Variants in HERPUD2 observed in about 807,000 individuals in gnomAD.
The protein encoded by HERPUD2 is HERPUD family member 2, also known as homocysteine-responsive endoplasmic reticulum-resident ubiquitin-like domain member 2 protein.
A neutral mutation model predicts 49.9 loss-of-function variants in HERPUD2; 13 were observed. The observed-to-expected ratio is 0.26, with a 90% CI of 0.17 to 0.41. The LOEUF (loss-of-function observed/expected upper bound fraction) is 0.41. Among genes scored for constraint, HERPUD2 ranks in the 10% least tolerant of loss-of-function variants. HERPUD2 has a pLI of 1.00. For missense variants in HERPUD2, 449 were observed against 492.2 expected (o/e 0.91, Z 0.83); for synonymous variants, 172 against 171.4 (o/e 1.00, Z -0.03).
intron 2 of HERPUD2, among the ~76,000 whole-genome samples, chr7:35,683,177 C>T (rs1785952607): frequency 6.6e-6 from 1 of 152,158 alleles, no homozygotes; most frequent in Admixed American, 6.5e-5. Flanking sequence ...AACTATACTA[C>T]AAGGCCATAG....
At chr7:35,634,115 A>C (rs1784831775) in intron 8 of HERPUD2, among the ~76,000 whole-genome samples, 197 bp downstream of exon 8, 1 of 152,224 alleles carries the variant, frequency 6.6e-6, no homozygotes, top group Admixed American at 6.5e-5. Context: ...CTTCCCATTT[A>C]GTTATAATAT....
At chr7:35,646,163 T>C (rs1245283848) in intron 5 of HERPUD2, among the ~76,000 whole-genome samples, 3 of 152,200 alleles carry the variant, frequency 2.0e-5, no homozygotes, top group Non-Finnish European at 4.4e-5. Flanking sequence ...CTATTTAATC[T>C]AGTAATTTGT....
intron 2 of HERPUD2, among the ~76,000 whole-genome samples, chr7:35,676,141 C>T (rs1785753936): frequency 6.6e-6 from 1 of 152,272 alleles, no homozygotes; most frequent in African/African-American, 2.4e-5. Context: ...GGTTCACACA[C>T]AAAATTTGAC....
chr7:35,686,216 T>A (rs1272389397), intron 2 of HERPUD2, among the ~76,000 whole-genome samples: 2 of 150,394 alleles, frequency 1.3e-5, no homozygotes, highest in African/African-American at 4.9e-5. Flanking sequence ...TGAGACAGAG[T>A]CTTACTCTGT....
Position 35,653,603 on chromosome 7 carries a change from T to C in HERPUD2, c.494+13831A>G, listed in dbSNP as rs115292704. 3.9e-3 allele frequency among the ~76,000 whole-genome samples: 593 copies of C among 151,884 alleles called. 5 individuals carry two copies. Among genetic ancestry groups the C allele is most frequent in the African/African-American group, 0.014 (560 of 41,408 alleles). On this transcript the variant is annotated intron_variant, in intron 5 of 8. Coordinates refer to ENST00000311350, the MANE Select transcript of HERPUD2 (RefSeq NM_022373.5). ...AACATTTCATCCAACAGGTATAGAATACACATTCTTCTCATCAGCCCATGG... is the reference window on the plus strand; with the variant it reads ...AACATTTCATCCAACAGGTATAGAACACACATTCTTCTCATCAGCCCATGG...
chr7:35,654,666 A>C (rs1583548557), intron 5 of HERPUD2, among the ~76,000 whole-genome samples: 1 of 145,020 alleles, frequency 6.9e-6, no homozygotes. Flanking sequence ...GCCAAATTTG[A>C]CCAAAACTTT....
chr7:35,678,064 T>C (rs1245350448), intron 2 of HERPUD2, among the ~76,000 whole-genome samples: 1 of 152,192 alleles, frequency 6.6e-6, no homozygotes, highest in African/African-American at 2.4e-5. Context: ...AAATTTCTAG[T>C]ACCTGCTCCT....
At chr7:35,678,661 G>T (rs1158341043) in intron 2 of HERPUD2, among the ~76,000 whole-genome samples, 1 of 152,088 alleles carries the variant, frequency 6.6e-6, no homozygotes, top group Admixed American at 6.5e-5. Flanking sequence ...AATTAATTTT[G>T]CCTTCTCTAC....
chr7:35,660,776 T>C (rs915346548), intron 5 of HERPUD2, among the ~76,000 whole-genome samples: 10 of 152,250 alleles, frequency 6.6e-5, no homozygotes, highest in African/African-American at 2.2e-4. Context: ...TTCTGGATAT[T>C]AGCCCTTTGT....
chr7:35,634,846 G>C (rs2115815699), intron 7 of HERPUD2, among the ~76,000 whole-genome samples: 1 of 152,306 alleles, frequency 6.6e-6, no homozygotes, highest in South Asian at 2.1e-4. Context: ...ACCTTATGCA[G>C]GAGTGCATCA....
At chr7:35,633,920 T>C in intron 8 of HERPUD2, 69 bp from the exon 9 acceptor site, 1 of 1,461,242 alleles carries the variant, frequency 6.8e-7, no homozygotes. Context: ...TAGAATACAG[T>C]TAAATTCTTT....
chr7:35,639,670 G>C (rs958392015), intron 5 of HERPUD2, among the ~76,000 whole-genome samples: 7 of 152,132 alleles, frequency 4.6e-5, no homozygotes, highest in African/African-American at 4.8e-5. Context: ...GGTCTATCCA[G>C]AGTGAGACAA....
chr7:35,689,323 T>C (rs1469885879), intron 2 of HERPUD2, among the ~76,000 whole-genome samples: 7 of 152,236 alleles, frequency 4.6e-5, no homozygotes, highest in African/African-American at 1.7e-4. Flanking sequence ...TCTTGAACTA[T>C]ATTCCCAGGC....
chr7:35,633,562 C>A lies in HERPUD2; in HGVS notation c.*128G>T, dbSNP rs1784820164. ...TTAAAATATTCATATGCATGAGAAG[C>A]CTAAAGAAAAAAAACACCTCTGTAC... is the stretch of plus-strand genomic sequence containing the variant. On this transcript the variant is annotated 3_prime_UTR_variant, in exon 9 of 9. Coordinates refer to ENST00000311350, the MANE Select transcript of HERPUD2 (RefSeq NM_022373.5). 1.6e-6 allele frequency: 1 copy of A among 633,800 alleles called. No individual in the cohort carries two copies. The highest frequency in any genetic ancestry group is 2.5e-6 in the Non-Finnish European group (1 of 392,442). The allele number at this position is 633,800 out of a possible 1,614,324, so 39.3% of individuals were successfully genotyped here.
At chr7:35,634,172 C>A in intron 8 of HERPUD2, 140 bp downstream of exon 8, 1 of 622,140 alleles carries the variant, frequency 1.6e-6, no homozygotes, top group Non-Finnish European at 2.9e-6. Flanking sequence ...ATGAAACCAC[C>A]ACAATTTATA....
chr7:35,657,117 A>G (rs1411148225), intron 5 of HERPUD2, among the ~76,000 whole-genome samples: 1 of 152,184 alleles, frequency 6.6e-6, no homozygotes, highest in Non-Finnish European at 1.5e-5. Context: ...GCTGACAAGG[A>G]ACTAATATGT....
intron 2 of HERPUD2, among the ~76,000 whole-genome samples, chr7:35,693,578 A>G (rs1195484332): frequency 1.1e-4 from 17 of 152,002 alleles, no homozygotes; most frequent in South Asian, 4.2e-4. Flanking sequence ...AAGAAAGGAT[A>G]TATCTCTCAC....
chr7:35,635,514 ATT>A, intron 6 of HERPUD2, 56 bp from the exon 7 acceptor site: 1 of 1,439,160 alleles, frequency 6.9e-7, no homozygotes, highest in Non-Finnish European at 9.4e-7. Context: ...ACCATACCAT[ATT>A]TTTTTAAACT....
intron 5 of HERPUD2, among the ~76,000 whole-genome samples, chr7:35,652,601 A>C (rs1488896302): frequency 2.0e-5 from 3 of 151,378 alleles, no homozygotes; most frequent in Non-Finnish European, 4.4e-5. Context: ...GAAAAGAAAA[A>C]AGGAAAGAAA....
Sources: gnomAD v4.1 joint callset for allele counts (sites outside exome capture counted in the v4.1 genomes callset) on GRCh38, gnomAD v4.1.1 for gene constraint, MANE v1.5 for transcripts, NCBI Gene and HGNC (gene_info 2026-07-23, HGNC 2026-07-21) for gene names.